The following NDRG2 variants were observed in gnomAD, a reference collection of about 807,000 sequenced individuals.
NDRG2 encodes NDRG family member 2.
Under a neutral mutation model 58.2 loss-of-function variants are expected in NDRG2, and 34 were observed. The ratio of observed to expected loss-of-function variants is 0.58; its 90% confidence interval spans 0.44 to 0.78. The LOEUF (loss-of-function observed/expected upper bound fraction) is 0.78. NDRG2 is among the 30% of genes least tolerant of loss of function. The pLI is 0.00. For synonymous variants in NDRG2, 187 were observed against 175.9 expected, an observed-to-expected ratio of 1.06 and a Z score of -0.50; for missense variants, 434 against 471.2, an observed-to-expected ratio of 0.92 and a Z score of 0.73.
At chr14:21,041,649 A>G (rs944418931) in intron 1 of NDRG2, among the ~76,000 whole-genome samples, 4 of 152,250 alleles carry the variant, frequency 2.6e-5, no homozygotes, top group African/African-American at 9.6e-5. Flanking sequence ...GAGCAGCAAC[A>G]GCATTTTAAA....
chr14:21,068,194 T>A lies in NDRG2; in HGVS notation c.24+2634A>T. 9.0e-5 allele frequency among the ~76,000 whole-genome samples: 2 copies of A among 22,200 alleles called. 1 individual carries two copies. Among genetic ancestry groups the A allele is most frequent in the East Asian group, 3.4e-3 (2 of 592 alleles). 14.6% of individuals were successfully genotyped at this position (22,200 alleles called of 152,430 possible). A position where few individuals can be genotyped will look rare whatever the true frequency, so the allele number is the denominator to read the frequency against. On this transcript the variant is annotated intron_variant, in intron 1 of 14. Coordinates refer to the NDRG2 transcript ENST00000403829. ...TTTTGTATTTTTAGTAGAGACGGGG[T>A]TTCACCGTGTTAGCCAGGATGGTCT...
chr14:21,029,965 C>T (rs1883948904), upstream of NDRG2, among the ~76,000 whole-genome samples: 1 of 152,210 alleles, frequency 6.6e-6, no homozygotes, highest in African/African-American at 2.4e-5. Flanking sequence ...GGGCTCGCCT[C>T]AGCTTCTGTT....
At position 21,022,100 on chromosome 14, in the gene NDRG2, G is replaced by A; in HGVS notation, c.306C>T (p.Ala102=). Residue 102 remains alanine (A), a synonymous_variant, in exon 5 of 16, where the codon GCC becomes GCT. Transcript: ENST00000556147. ...IQNFVRVHVD[A]PGMEEGAPVF... is the part of the protein sequence containing the mutation. Reference sequence around the variant, plus strand: ...CAGGGGCTCCCTCTTCCATTCCAGGGGCATCCACATGAACCCGCACAAAGT... The same window carrying A: ...CAGGGGCTCCCTCTTCCATTCCAGGAGCATCCACATGAACCCGCACAAAGT... 1 of 1,614,068 alleles carries A rather than the reference G, an allele frequency of 6.2e-7. No homozygotes were observed. Among genetic ancestry groups the A allele is most frequent in the South Asian group, 1.1e-5 (1 of 91,076 alleles).
intron 1 of NDRG2, among the ~76,000 whole-genome samples, chr14:21,039,119 G>A (rs758162769): frequency 1.3e-5 from 2 of 152,190 alleles, no homozygotes; most frequent in Non-Finnish European, 1.5e-5. Flanking sequence ...GAGAGGCTTG[G>A]CTCTGAAGGG....
intron 1 of NDRG2, among the ~76,000 whole-genome samples, chr14:21,056,803 T>C (rs1885694672): frequency 6.6e-6 from 1 of 152,206 alleles, no homozygotes; most frequent in South Asian, 2.1e-4. Context: ...GTACTTGCCC[T>C]TGCAGGAACT....
chr14:21,034,369 C>T (rs1884474877), intron 1 of NDRG2: 2 of 968,936 alleles, frequency 2.1e-6, no homozygotes, highest in African/African-American at 1.6e-5. Flanking sequence ...GAGCCTCCAG[C>T]ATTCCCAACC....
chr14:21,018,585 C>A, intron 12 of NDRG2, 81 bp from the exon 13 acceptor site: 3 of 1,570,306 alleles, frequency 1.9e-6, no homozygotes, highest in South Asian at 1.2e-5. Context: ...AACCCAGACC[C>A]CAGTCCCTTT....
intron 1 of NDRG2, chr14:21,043,942 A>G (rs1885029566): frequency 5.8e-6 from 1 of 172,384 alleles, no homozygotes; most frequent in South Asian, 1.9e-4. Context: ...CTTGTGACAT[A>G]GACTTGACAG....
At chr14:21,036,145 T>C (rs1026934316) in intron 1 of NDRG2, 11 of 455,500 alleles carry the variant, frequency 2.4e-5, no homozygotes, top group Non-Finnish European at 4.0e-5. Flanking sequence ...CTGACAATCT[T>C]AAACTTTTCC....
upstream of NDRG2, among the ~76,000 whole-genome samples, chr14:21,026,710 A>G (rs921233513): frequency 7.2e-5 from 11 of 151,978 alleles, no homozygotes; most frequent in African/African-American, 2.7e-4. Flanking sequence ...CCCAATTTGG[A>G]GCACCCAACT....
chr14:21,038,295 C>T (rs1282346062), intron 1 of NDRG2, among the ~76,000 whole-genome samples: 1 of 152,176 alleles, frequency 6.6e-6, no homozygotes. Context: ...AGGCATTATG[C>T]TATATACTGT....
chr14:21,055,342 G>T (rs551113241), intron 1 of NDRG2, among the ~76,000 whole-genome samples: 1 of 152,290 alleles, frequency 6.6e-6, no homozygotes, highest in Admixed American at 6.5e-5. Context: ...TTAGTAGCAG[G>T]TAAGTAAATA....
chr14:21,064,606 T>C (rs540058002), intron 1 of NDRG2, among the ~76,000 whole-genome samples: 2 of 152,282 alleles, frequency 1.3e-5, no homozygotes, highest in South Asian at 4.1e-4. Flanking sequence ...CCAGCCTACT[T>C]GATGCTTTAA....
intron 1 of NDRG2, chr14:21,042,871 C>A: frequency 1.2e-6 from 1 of 811,868 alleles, no homozygotes; most frequent in South Asian, 1.8e-5. Context: ...GGAAAGGAGA[C>A]AACCGAGTAG....
intron 1 of NDRG2, chr14:21,043,484 T>C (rs961324977): frequency 5.2e-6 from 8 of 1,529,602 alleles, no homozygotes; most frequent in Non-Finnish European, 5.3e-6. Context: ...TGGCTTGCTC[T>C]TTGGCTGACC....
chr14:21,041,845 G>A lies in NDRG2; in HGVS notation c.25-18524C>T, dbSNP rs563547080. ...GCTATTGGGGATGGTGCCAGGCCTC[G>A]TGACAGTGATGATTCATTCACCCAC... On this transcript the variant is annotated intron_variant, in intron 1 of 14. Transcript: ENST00000403829. Among the ~76,000 whole-genome samples, 157 of 152,276 alleles carry A rather than the reference G, an allele frequency of 1.0e-3. 1 individual carries two copies. The highest frequency in any genetic ancestry group is 3.6e-3 in the African/African-American group (151 of 41,546).
chr14:21,058,426 G>A (rs1038516685), intron 1 of NDRG2: 34 of 1,150,062 alleles, frequency 3.0e-5, no homozygotes, highest in Non-Finnish European at 3.9e-5. Flanking sequence ...CCTCCAGTTC[G>A]TTATTAATCC....
rs374173612 is a variant in NDRG2, at chr14:21,017,939, A to G, written c.949+48T>C. 3.3e-5 allele frequency: 53 copies of G among 1,613,856 alleles called. No homozygotes were observed. In the African/African-American group the frequency reaches 5.9e-4, roughly 18 times the overall value. On this transcript the variant is annotated intron_variant, in intron 15 of 15. Transcript: ENST00000556147. ...TCACCTAAAACGGTTCCACCCCGTC[A>G]GTGCCTATCTCTCCTCTAGTGCAGC...
intron 1 of NDRG2, among the ~76,000 whole-genome samples, chr14:21,067,985 T>TCTCCATGAAAAAAAAAATGATCCAC (rs1566514089): frequency 7.0e-4 from 3 of 4,290 alleles, no homozygotes; most frequent in African/African-American, 5.1e-3. Context: ...CTCCCCTTTT[T>TCTCCATGAAAAAAAAAATGATCCAC]TTTTTTTTTT....
Sources: gnomAD v4.1 joint callset for allele counts (sites outside exome capture counted in the v4.1 genomes callset) on GRCh38, gnomAD v4.1.1 for gene constraint, MANE v1.5 for transcripts, NCBI Gene and HGNC (gene_info 2026-07-23, HGNC 2026-07-21) for gene names.